The following TENM2 variants were observed in gnomAD, a reference collection of about 807,000 sequenced individuals.
The protein encoded by TENM2 is teneurin-2.
In TENM2, 52 loss-of-function variants were observed where a neutral mutation model predicts 245.2. The observed-to-expected ratio is 0.21, with a 90% confidence interval of 0.17 to 0.27. The LOEUF (loss-of-function observed/expected upper bound fraction) is 0.27. TENM2 is among the 10% of genes least tolerant of loss of function. TENM2 has a pLI of 1.00. For missense variants in TENM2, 3,046 were observed against 3,666.8 expected (o/e 0.83, Z 4.37); for synonymous variants, 1,363 against 1,438.9 (o/e 0.95, Z 1.19).
the TENM2 span, among the ~76,000 whole-genome samples, chr5:167,243,273 A>G: frequency 6.6e-6 from 1 of 151,940 alleles, no homozygotes; most frequent in African/African-American, 2.4e-5. Context: ...TTACATCTAT[A>G]CTCTTTTGTC....
the TENM2 span, among the ~76,000 whole-genome samples, chr5:166,981,425 G>A: frequency 6.6e-6 from 1 of 152,128 alleles, no homozygotes; most frequent in African/African-American, 2.4e-5. Flanking sequence ...AGGTACTAAA[G>A]AAAAATGATT....
intron 3 of TENM2, among the ~76,000 whole-genome samples, chr5:167,906,682 G>T (rs1418428257): frequency 6.6e-6 from 1 of 152,114 alleles, no homozygotes; most frequent in Non-Finnish European, 1.5e-5. Flanking sequence ...TCCAGGGAGC[G>T]CCATTCACGT....
chr5:168,253,124 G>A (rs554762398), intron 27 of TENM2, among the ~76,000 whole-genome samples: 47 of 151,832 alleles, frequency 3.1e-4, no homozygotes, highest in Non-Finnish European at 5.7e-4. Context: ...GTGCAACCAC[G>A]CCCAGCTAAT....
chr5:167,095,167 T>C, the TENM2 span, among the ~76,000 whole-genome samples: 2 of 152,132 alleles, frequency 1.3e-5, no homozygotes, highest in African/African-American at 4.8e-5. Context: ...AGACTGATAA[T>C]GAGAAATTAA....
intron 13 of TENM2, among the ~76,000 whole-genome samples, chr5:168,189,537 G>C (rs1259898298): frequency 6.6e-6 from 1 of 152,188 alleles, no homozygotes; most frequent in Admixed American, 6.5e-5. Context: ...CGAGTCCTGA[G>C]GGCGTGCAGG....
At chr5:167,237,160 G>A in the TENM2 span, among the ~76,000 whole-genome samples, 5 of 152,126 alleles carry the variant, frequency 3.3e-5, no homozygotes, top group South Asian at 2.1e-4. Flanking sequence ...TTTGATCCGC[G>A]CACCTGTATG....
chr5:167,926,693 G>A (rs1318522674), intron 3 of TENM2, among the ~76,000 whole-genome samples: 1 of 150,366 alleles, frequency 6.7e-6, no homozygotes, highest in Non-Finnish European at 1.5e-5. Flanking sequence ...CTGCACTTCA[G>A]CCTGGGTGAC....
At chr5:167,449,665 AAAAG>A (rs1342067546) in intron 2 of TENM2, among the ~76,000 whole-genome samples, 1 of 152,154 alleles carries the variant, frequency 6.6e-6, no homozygotes, top group Non-Finnish European at 1.5e-5. Flanking sequence ...TAATGAAAAG[AAAAG>A]AAATGGGGCC....
At chr5:166,983,931 C>A in the TENM2 span, among the ~76,000 whole-genome samples, 1 of 152,068 alleles carries the variant, frequency 6.6e-6, no homozygotes, top group African/African-American at 2.4e-5. Flanking sequence ...TCAGCTCATT[C>A]ATTCTTACTA....
intron 2 of TENM2, among the ~76,000 whole-genome samples, chr5:167,433,587 T>C (rs1176499492): frequency 6.6e-6 from 1 of 152,164 alleles, no homozygotes; most frequent in African/African-American, 2.4e-5. Flanking sequence ...AATTGGTTTT[T>C]TTCTTTGAGT....
chr5:167,086,927 A>ACG, the TENM2 span, among the ~76,000 whole-genome samples: 2 of 47,226 alleles, frequency 4.2e-5, no homozygotes, highest in East Asian at 3.3e-4. Flanking sequence ...TAACACACAC[A>ACG]CGCACACACA....
intron 13 of TENM2, among the ~76,000 whole-genome samples, chr5:168,174,294 A>C (rs1353356222): frequency 6.6e-6 from 1 of 152,068 alleles, no homozygotes; most frequent in Non-Finnish European, 1.5e-5. Flanking sequence ...AGGCTTTGGG[A>C]TTTGAGCTTC....
intron 17 of TENM2, among the ~76,000 whole-genome samples, chr5:168,201,540 C>A (rs1242208869): frequency 6.6e-6 from 1 of 152,158 alleles, no homozygotes; most frequent in South Asian, 2.1e-4. Flanking sequence ...GACGTCACAT[C>A]ATTTCACCTG....
At chr5:168,262,493 T>C in exon 29 of TENM2, 1 of 1,558,570 alleles carries the variant, frequency 6.4e-7, no homozygotes, top group Non-Finnish European at 8.7e-7. Flanking sequence ...GAACATTGAG[T>C]TCCAGTACTC....
At chr5:167,019,509 C>T in the TENM2 span, among the ~76,000 whole-genome samples, 6 of 151,954 alleles carry the variant, frequency 3.9e-5, no homozygotes, top group Non-Finnish European at 8.8e-5. Context: ...CTCGCTCTGT[C>T]GCCCAGGCTG....
intron 1 of TENM2, among the ~76,000 whole-genome samples, chr5:167,349,058 G>A (rs1172943330): frequency 6.6e-6 from 1 of 152,170 alleles, no homozygotes; most frequent in Non-Finnish European, 1.5e-5. Flanking sequence ...CCCACTTCAA[G>A]TGTACAATTG....
chr5:167,040,805 T>G, the TENM2 span, among the ~76,000 whole-genome samples: 1 of 152,222 alleles, frequency 6.6e-6, no homozygotes, highest in Non-Finnish European at 1.5e-5. Flanking sequence ...TTAATGAATC[T>G]TTGAAATAAT....
chr5:168,143,500 A>G (rs964796851), intron 12 of TENM2, among the ~76,000 whole-genome samples: 2 of 152,186 alleles, frequency 1.3e-5, no homozygotes, highest in African/African-American at 4.8e-5. Flanking sequence ...GTGGCAATAA[A>G]ACATTAGATT....
the TENM2 span, among the ~76,000 whole-genome samples, chr5:167,265,342 A>G: frequency 4.0e-5 from 6 of 150,458 alleles, no homozygotes; most frequent in African/African-American, 1.2e-4. Context: ...AAAAAAAAAA[A>G]AAAAAAAAAA....
Sources: allele counts gnomAD v4.1 joint callset (sites outside exome capture counted in the v4.1 genomes callset), GRCh38; gene constraint gnomAD v4.1.1; transcripts MANE v1.5; gene names NCBI Gene and HGNC (gene_info 2026-07-23, HGNC 2026-07-21).